Variants in ABLIM1 observed in about 807,000 individuals in gnomAD.
ABLIM1 encodes actin binding LIM protein 1, also known as actin-binding LIM protein 1.
ABLIM1 carries 40 observed loss-of-function variants against 107.0 expected under a neutral mutation model. That is an observed-to-expected ratio of 0.37 (90% CI 0.29 to 0.49). The LOEUF is 0.49. ABLIM1 is among the 20% of genes least tolerant of loss of function. The pLI, the probability that ABLIM1 is intolerant of heterozygous loss-of-function variation, is 0.97. For synonymous variants in ABLIM1, 357 were observed against 357.3 expected (o/e 1.00, Z 0.01); for missense variants, 857 against 1,008.5 (o/e 0.85, Z 2.04).
At chr10:114,537,335 C>G (rs2066152357) in intron 6 of ABLIM1, among the ~76,000 whole-genome samples, 1 of 152,064 alleles carries the variant, frequency 6.6e-6, no homozygotes, top group Non-Finnish European at 1.5e-5. Flanking sequence ...GTATAATGCT[C>G]AAGTCAGGGT....
At chr10:114,454,505 G>A (rs150586440) in intron 12 of ABLIM1, among the ~76,000 whole-genome samples, 158 of 152,222 alleles carry the variant, frequency 1.0e-3, no homozygotes, top group South Asian at 0.01. Flanking sequence ...CAGACTGGAG[G>A]AGCAACAGGA....
chr10:114,625,469 TCCAATA>T (rs2140526263), intron 1 of ABLIM1, among the ~76,000 whole-genome samples: 1 of 152,248 alleles, frequency 6.6e-6, no homozygotes, highest in Non-Finnish European at 1.5e-5. Flanking sequence ...GCATATGAAG[TCCAATA>T]CTTGAGAAAA....
intron 1 of ABLIM1, among the ~76,000 whole-genome samples, chr10:114,700,795 A>C (rs1466390126): frequency 6.6e-6 from 1 of 152,174 alleles, no homozygotes; most frequent in Non-Finnish European, 1.5e-5. Flanking sequence ...TTATTTTGAG[A>C]GGAATCATAG....
At chr10:114,562,636 TG>T (rs1160110773) in intron 4 of ABLIM1, among the ~76,000 whole-genome samples, 5 of 152,172 alleles carry the variant, frequency 3.3e-5, no homozygotes, top group Non-Finnish European at 7.4e-5. Flanking sequence ...ACTTGTGAGA[TG>T]AGAAAATAAC....
chr10:114,453,946 AG>A (rs910368631), intron 12 of ABLIM1, among the ~76,000 whole-genome samples: 1 of 152,230 alleles, frequency 6.6e-6, no homozygotes, highest in Admixed American at 6.5e-5. Flanking sequence ...TCCGATCTGA[AG>A]GTTAAGTCTG....
the ABLIM1 span, among the ~76,000 whole-genome samples, chr10:114,788,138 C>T: frequency 1.2e-4 from 18 of 151,472 alleles, no homozygotes; most frequent in African/African-American, 4.4e-4. Context: ...GCAGCATGCT[C>T]GTTAAGAGTC....
chr10:114,762,189 C>A (rs187817200), intron 1 of ABLIM1, among the ~76,000 whole-genome samples: 5 of 152,110 alleles, frequency 3.3e-5, no homozygotes, highest in East Asian at 1.9e-4. Flanking sequence ...CCCGCCACCA[C>A]GCCCAGCTAA....
rs767897323 is a variant in ABLIM1, at chr10:114,665,949, G to A, written c.64+18341C>T. Among the ~76,000 whole-genome samples the A allele has an allele frequency of 2.6e-5, 4 of 152,372 alleles. No homozygotes were observed. The East Asian group carries it at 5.8e-4, about 22-fold the overall frequency. ...GCCTTTGGCTATTTTGGAGTTCACA[G>A]TTATAGAAGGTTTTAGAATACAGTC... On this transcript the variant is annotated intron_variant, in intron 1 of 23. Transcript: ENST00000369256.
chr10:114,514,651 T>C (rs2062518238), intron 6 of ABLIM1, among the ~76,000 whole-genome samples: 1 of 152,190 alleles, frequency 6.6e-6, no homozygotes, highest in South Asian at 2.1e-4. Context: ...AGTGTTGGGA[T>C]TACAGGCGTG....
intron 2 of ABLIM1, among the ~76,000 whole-genome samples, chr10:114,580,480 T>C (rs1047357861): frequency 4.6e-5 from 7 of 152,156 alleles, no homozygotes; most frequent in Non-Finnish European, 8.8e-5. Context: ...CCCAAACTGT[T>C]GGGAATATAG....
At chr10:114,578,344 T>C (rs2072878800) in intron 2 of ABLIM1, among the ~76,000 whole-genome samples, 1 of 152,130 alleles carries the variant, frequency 6.6e-6, no homozygotes, top group East Asian at 1.9e-4. Flanking sequence ...TTCTATTCCC[T>C]TTCTCATCAA....
At chr10:114,486,881 A>G (rs992086378) in intron 8 of ABLIM1, among the ~76,000 whole-genome samples, 1 of 152,234 alleles carries the variant, frequency 6.6e-6, no homozygotes, top group African/African-American at 2.4e-5. Flanking sequence ...AACAAAAAAC[A>G]AAGGAAAAAT....
upstream of ABLIM1, among the ~76,000 whole-genome samples, chr10:114,768,396 G>A (rs904106407): frequency 4.0e-5 from 6 of 151,172 alleles, no homozygotes; most frequent in East Asian, 1.9e-4. Context: ...CTCTGTCCCC[G>A]AGGAACGAGG....
the ABLIM1 span, among the ~76,000 whole-genome samples, chr10:114,774,481 A>G: frequency 1.3e-5 from 2 of 152,210 alleles, no homozygotes; most frequent in Non-Finnish European, 2.9e-5. Context: ...TATGTGGAGA[A>G]AGAGCTACAG....
chr10:114,513,540 A>G (rs751398212), intron 6 of ABLIM1, among the ~76,000 whole-genome samples: 1 of 152,226 alleles, frequency 6.6e-6, no homozygotes, highest in African/African-American at 2.4e-5. Flanking sequence ...TGGCAATTTC[A>G]TCTAGTCGAC....
At chr10:114,529,877 A>C (rs962988924) in intron 6 of ABLIM1, among the ~76,000 whole-genome samples, 1 of 152,064 alleles carries the variant, frequency 6.6e-6, no homozygotes, top group African/African-American at 2.4e-5. Flanking sequence ...AAATACAAAA[A>C]TTAGCCAGGC....
At chr10:114,727,976 C>G (rs542646449) in intron 1 of ABLIM1, among the ~76,000 whole-genome samples, 2 of 152,160 alleles carry the variant, frequency 1.3e-5, no homozygotes, top group South Asian at 2.1e-4. Flanking sequence ...TAAAAACAAA[C>G]TGGGAGATGT....
At chr10:114,643,487 G>A (rs2078841289) in intron 1 of ABLIM1, among the ~76,000 whole-genome samples, 1 of 152,044 alleles carries the variant, frequency 6.6e-6, no homozygotes, top group Admixed American at 6.6e-5. Context: ...ACTTGGTAAG[G>A]CAAAGGGTAT....
rs766672327 is a variant in ABLIM1, at chr10:114,473,017, G to A, written c.1235C>T (p.Ser412Leu). 1.9e-5 allele frequency: 31 copies of A among 1,608,494 alleles called. No individual in the cohort carries two copies. The highest frequency in any genetic ancestry group is 5.0e-5 in the Admixed American group (3 of 59,494). The change falls in exon 10 of 23, where the codon TCG becomes TTG. Residue 412 changes from serine (S) to leucine (L), a missense_variant. Around this residue, in one of 5 missense-constraint regions of ABLIM1, gnomAD observed 381 missense variants for 506.9 expected, o/e 0.75. Coordinates refer to ENST00000533213, the MANE Select transcript of ABLIM1 (RefSeq NM_002313.7). The part of the protein sequence containing the change: ...DLITYEPFYT[S>L]GYDDKQERQS... ...TCTCTCCTGTTTGTCATCATAGCCC[G>A]AAGTGTAGAAAGGCTCATAGGTAAT...
Sources: allele counts gnomAD v4.1 joint callset (sites outside exome capture counted in the v4.1 genomes callset), GRCh38; gene constraint gnomAD v4.1.1; regional missense constraint gnomAD v4.1.1; transcripts MANE v1.5; gene names NCBI Gene and HGNC (gene_info 2026-07-23, HGNC 2026-07-21).